The following MCC variants were observed in gnomAD, a reference collection of about 807,000 sequenced individuals.
MCC encodes MCC regulator of Wnt signaling pathway, also known as colorectal mutant cancer protein.
In MCC, 90 loss-of-function variants were observed where a neutral mutation model predicts 116.2. The ratio of observed to expected loss-of-function variants is 0.77; its 90% confidence interval spans 0.65 to 0.92. The LOEUF (loss-of-function observed/expected upper bound fraction) is 0.92. Among genes scored for constraint, MCC ranks in the 40% least tolerant of loss-of-function variants. MCC has a pLI of 0.00. For missense variants in MCC, 1,516 were observed against 1,312.2 expected (o/e 1.16, Z -2.40); for synonymous variants, 578 against 510.5 (o/e 1.13, Z -1.78).
chr5:113,236,362 T>C (rs1764131485), intron 3 of MCC, among the ~76,000 whole-genome samples: 1 of 152,104 alleles, frequency 6.6e-6, no homozygotes, highest in Non-Finnish European at 1.5e-5. Context: ...AGAAAAGCTT[T>C]CCGGGACCAG....
chr5:113,156,381 G>A (rs183462997), intron 3 of MCC, among the ~76,000 whole-genome samples: 253 of 152,280 alleles, frequency 1.7e-3, no homozygotes, highest in African/African-American at 5.7e-3. Context: ...GACTAGCAGG[G>A]TGGCTGGAAC....
chr5:113,325,525 C>T (rs1042837616), intron 3 of MCC, among the ~76,000 whole-genome samples: 4 of 150,166 alleles, frequency 2.7e-5, no homozygotes, highest in African/African-American at 7.4e-5. Flanking sequence ...GCTTCCTAGA[C>T]TTCCCTGCAA....
At chr5:113,257,902 G>A (rs554104494) in intron 3 of MCC, among the ~76,000 whole-genome samples, 13 of 152,246 alleles carry the variant, frequency 8.5e-5, no homozygotes, top group African/African-American at 2.6e-4. Context: ...CTTCCATTAC[G>A]GGAGGGAGGA....
At chr5:113,078,916 C>A (rs143295844) in intron 11 of MCC, among the ~76,000 whole-genome samples, 1 of 151,976 alleles carries the variant, frequency 6.6e-6, no homozygotes, top group African/African-American at 2.4e-5. Context: ...ATCCCCATCA[C>A]CTCAGCCCAA....
intron 11 of MCC, among the ~76,000 whole-genome samples, chr5:113,072,759 C>G (rs1184770306): frequency 6.6e-6 from 1 of 152,206 alleles, no homozygotes; most frequent in Non-Finnish European, 1.5e-5. Flanking sequence ...CTATCCAGTC[C>G]CATGATGTTA....
At chr5:113,467,060 G>A (rs1227940198) in intron 1 of MCC, among the ~76,000 whole-genome samples, 1 of 150,084 alleles carries the variant, frequency 6.7e-6, no homozygotes, top group Non-Finnish European at 1.5e-5. Flanking sequence ...ATTTGTTTGA[G>A]TTCATTGTAG....
Position 113,488,426 on chromosome 5 carries a change from C to G in MCC, c.-12G>C, listed in dbSNP as rs1392704067. On this transcript the variant is annotated 5_prime_UTR_variant, in exon 1 of 19. Coordinates refer to ENST00000408903, the MANE Select transcript of MCC (RefSeq NM_001085377.2). ...GCGGCCGCCATCATGCGCCCGCTCC[C>G]TACTTGGGAGGAGGAGTACGCGCGA... The G allele has an allele frequency of 3.6e-6, 5 of 1,403,736 alleles. No homozygotes were observed. The African/African-American group carries it at 7.5e-5, about 21-fold the overall frequency. The allele number at this position is 1,403,736 out of a possible 1,614,324, so 87.0% of individuals were successfully genotyped here.
At chr5:113,422,883 A>C (rs1770378762) in intron 1 of MCC, among the ~76,000 whole-genome samples, 1 of 152,230 alleles carries the variant, frequency 6.6e-6, no homozygotes, top group Non-Finnish European at 1.5e-5. Context: ...TGCCTCCTGA[A>C]ACCATCCTAA....
intron 13 of MCC, among the ~76,000 whole-genome samples, chr5:113,064,423 G>A (rs376147072): frequency 1.3e-5 from 2 of 152,252 alleles, no homozygotes; most frequent in East Asian, 1.9e-4. Flanking sequence ...TTAACCAATG[G>A]GATCACCACA....
At chr5:113,097,443 G>A (rs1428778338) in intron 8 of MCC, among the ~76,000 whole-genome samples, 3 of 152,162 alleles carry the variant, frequency 2.0e-5, no homozygotes, top group East Asian at 3.9e-4. Context: ...TTACCATTAT[G>A]ATGTTGGTTT....
chr5:113,349,914 A>G (rs35111059), intron 2 of MCC, among the ~76,000 whole-genome samples: 26,014 of 152,028 alleles, frequency 0.17, 2,907 homozygotes, highest in African/African-American at 0.31. Context: ...AATCTGAATA[A>G]AAATTTAAAA....
chr5:113,140,443 T>C (rs1759110710), intron 5 of MCC, among the ~76,000 whole-genome samples: 2 of 152,212 alleles, frequency 1.3e-5, no homozygotes, highest in Non-Finnish European at 2.9e-5. Flanking sequence ...CAATGCTTAA[T>C]CTTCACTTAA....
intron 17 of MCC, among the ~76,000 whole-genome samples, chr5:113,037,170 CTT>C (rs1751382328): frequency 6.6e-6 from 1 of 152,228 alleles, no homozygotes; most frequent in Non-Finnish European, 1.5e-5. Context: ...TTATCCCACT[CTT>C]TGTGTGGCTC....
At chr5:113,410,720 T>A (rs927601350) in intron 1 of MCC, among the ~76,000 whole-genome samples, 2 of 152,242 alleles carry the variant, frequency 1.3e-5, no homozygotes, top group African/African-American at 4.8e-5. Context: ...AGACGTCATT[T>A]ACATTAGGTG....
intron 5 of MCC, among the ~76,000 whole-genome samples, chr5:113,133,922 CGCTAATCTTTT>C (rs1374871043): frequency 2.6e-5 from 4 of 152,106 alleles, no homozygotes; most frequent in African/African-American, 4.8e-5. Flanking sequence ...TCAGATCTTT[CGCTAATCTTTT>C]GCTAAAAAAA....
At chr5:113,032,275 G>C (rs1751005438) in intron 17 of MCC, among the ~76,000 whole-genome samples, 1 of 152,140 alleles carries the variant, frequency 6.6e-6, no homozygotes, top group Non-Finnish European at 1.5e-5. Flanking sequence ...GGGTGTGGTG[G>C]CGCTTGCCTG....
At chr5:113,075,496 C>T (rs1580997857) in intron 11 of MCC, among the ~76,000 whole-genome samples, 1 of 152,224 alleles carries the variant, frequency 6.6e-6, no homozygotes, top group African/African-American at 2.4e-5. Context: ...GCCAGCTGGG[C>T]TCTTGAGTCG....
intron 2 of MCC, among the ~76,000 whole-genome samples, chr5:113,383,255 TC>T (rs1769168931): frequency 6.6e-6 from 1 of 152,218 alleles, no homozygotes; most frequent in Non-Finnish European, 1.5e-5. Context: ...ACTTAACACT[TC>T]AACTATGTAT....
At position 113,026,038 on chromosome 5, in the gene MCC, G is replaced by C. The variant is rs1750524631; in HGVS notation, c.*1264C>G. 1 of 152,118 alleles carries C rather than the reference G, an allele frequency of 6.6e-6. No homozygotes were observed. The highest frequency in any genetic ancestry group is 2.1e-4 in the South Asian group (1 of 4,834). 9.4% of individuals were successfully genotyped at this position (152,118 alleles called of 1,614,324 possible). A position where few individuals can be genotyped will look rare whatever the true frequency, so the allele number is the denominator to read the frequency against. ...AGTGTATCAGTGTAGAACTGAGAGA[G>C]AAGAGGTAAAACTGAAAAAGAATAA... On this transcript the variant is annotated 3_prime_UTR_variant, in exon 19 of 19. Coordinates refer to ENST00000408903, the MANE Select transcript of MCC (RefSeq NM_001085377.2).
Sources: allele counts gnomAD v4.1 joint callset (sites outside exome capture counted in the v4.1 genomes callset), GRCh38; gene constraint gnomAD v4.1.1; transcripts MANE v1.5; gene names NCBI Gene and HGNC (gene_info 2026-07-23, HGNC 2026-07-21).